SUSD6: variants seen among roughly 807,000 people sequenced by gnomAD.
SUSD6 encodes the protein sushi domain-containing protein 6.
Under a neutral mutation model 28.4 loss-of-function variants are expected in SUSD6, and 16 were observed. That is an observed-to-expected ratio of 0.56 (90% confidence interval 0.38 to 0.86). SUSD6 has a LOEUF of 0.86. Among genes scored for constraint, SUSD6 ranks in the 40% least tolerant of loss-of-function variants. The pLI, the probability that SUSD6 is intolerant of heterozygous loss-of-function variation, is 0.00. For synonymous variants in SUSD6, 147 were observed against 159.6 expected (o/e 0.92, Z 0.59); for missense variants, 341 against 384.2 (o/e 0.89, Z 0.94).
intron 1 of SUSD6, among the ~76,000 whole-genome samples, chr14:69,619,713 A>ATGAG (rs1885009495): frequency 6.6e-6 from 1 of 151,980 alleles, no homozygotes; most frequent in South Asian, 2.1e-4. Context: ...CAAGACTGCA[A>ATGAG]TGAGCTATGA....
chr14:69,630,616 C>A (rs767942008), intron 1 of SUSD6, among the ~76,000 whole-genome samples: 10 of 151,814 alleles, frequency 6.6e-5, no homozygotes, highest in Non-Finnish European at 1.3e-4. Context: ...ATTCAATTTC[C>A]AAACAAGTGC....
At chr14:69,643,058 A>C (rs1428586687) in intron 1 of SUSD6, among the ~76,000 whole-genome samples, 1 of 152,124 alleles carries the variant, frequency 6.6e-6, no homozygotes, top group Non-Finnish European at 1.5e-5. Context: ...GGAAACTCTC[A>C]AGGGAGTTAA....
intron 1 of SUSD6, chr14:69,617,771 C>T (rs764231706): frequency 6.6e-6 from 1 of 152,136 alleles, no homozygotes; most frequent in Non-Finnish European, 1.5e-5. Context: ...AATTCCATGC[C>T]AGGGTTCTGT....
At position 69,714,013 on chromosome 14, in the gene SUSD6, G is replaced by T. The variant is rs1466076475; in HGVS notation, c.*3034G>T. The T allele has an allele frequency of 6.6e-6, 1 of 151,998 alleles. No individual in the cohort carries two copies. Among genetic ancestry groups the T allele is most frequent in the African/African-American group, 2.4e-5 (1 of 41,366 alleles). The allele number at this position is 151,998 out of a possible 1,614,324, so 9.4% of individuals were successfully genotyped here. A position where few individuals can be genotyped will look rare whatever the true frequency, so the allele number is the denominator to read the frequency against. ...GTAGGCTCTATCTTTTGCCATTTCTGTATTTTATGTGCTGTGTTCCCGTTT... is the reference window on the plus strand; with the variant it reads ...GTAGGCTCTATCTTTTGCCATTTCTTTATTTTATGTGCTGTGTTCCCGTTT... On this transcript the variant is annotated 3_prime_UTR_variant, in exon 6 of 6. Coordinates refer to ENST00000342745, the MANE Select transcript of SUSD6 (RefSeq NM_014734.4).
At chr14:69,681,707 T>A (rs2139631031) in intron 2 of SUSD6, among the ~76,000 whole-genome samples, 1 of 152,280 alleles carries the variant, frequency 6.6e-6, no homozygotes, top group African/African-American at 2.4e-5. Flanking sequence ...AGTAAGATAG[T>A]AAAATGGGGG....
chr14:69,696,356 G>C (rs1886225694), intron 2 of SUSD6, among the ~76,000 whole-genome samples: 1 of 152,102 alleles, frequency 6.6e-6, no homozygotes, highest in African/African-American at 2.4e-5. Context: ...TAAACTATCT[G>C]TTTGCAATAA....
At chr14:69,706,735 A>G (rs906380799) in intron 4 of SUSD6, among the ~76,000 whole-genome samples, 6 of 152,008 alleles carry the variant, frequency 3.9e-5, no homozygotes, top group Non-Finnish European at 8.8e-5. Flanking sequence ...GCTCCCATCA[A>G]ACTTTCCCTT....
intron 1 of SUSD6, among the ~76,000 whole-genome samples, chr14:69,613,628 C>T (rs924039167): frequency 6.6e-6 from 1 of 152,216 alleles, no homozygotes; most frequent in African/African-American, 2.4e-5. Flanking sequence ...GACTCACAGC[C>T]TTTAAGTCCA....
chr14:69,678,157 G>A (rs1885941979), intron 2 of SUSD6, among the ~76,000 whole-genome samples: 1 of 151,760 alleles, frequency 6.6e-6, no homozygotes, highest in Admixed American at 6.6e-5. Context: ...GGATGGAACA[G>A]ATCCAGGGAC....
intron 2 of SUSD6, among the ~76,000 whole-genome samples, chr14:69,680,082 A>G (rs1038392589): frequency 3.3e-5 from 5 of 152,198 alleles, no homozygotes; most frequent in Non-Finnish European, 5.9e-5. Flanking sequence ...AGAGTTCAGC[A>G]GTCTCTCCTT....
chr14:69,699,932 A>G (rs1440236705), intron 2 of SUSD6, among the ~76,000 whole-genome samples: 3 of 152,210 alleles, frequency 2.0e-5, no homozygotes, highest in African/African-American at 7.2e-5. Flanking sequence ...TGGTTGGACC[A>G]TGTGTGCCAT....
intron 2 of SUSD6, among the ~76,000 whole-genome samples, chr14:69,665,937 T>C (rs1208861520): frequency 6.6e-6 from 1 of 152,240 alleles, no homozygotes; most frequent in Non-Finnish European, 1.5e-5. Context: ...TCAAATAAGA[T>C]AGTATATGTA....
At position 69,712,432 on chromosome 14, in the gene SUSD6, A is replaced by T. The variant is rs1042662512; in HGVS notation, c.*1453A>T. 6.6e-6 allele frequency: 1 copy of T among 152,284 alleles called. No individual in the cohort carries two copies. The highest frequency in any genetic ancestry group is 2.4e-5 in the African/African-American group (1 of 41,456). 9.4% of individuals were successfully genotyped at this position (152,284 alleles called of 1,614,324 possible). A position where few individuals can be genotyped will look rare whatever the true frequency, so the allele number is the denominator to read the frequency against. On this transcript the variant is annotated 3_prime_UTR_variant, in exon 6 of 6. Transcript: ENST00000342745. ...ACTCTGCCAACTGCTGTCATCTTAG[A>T]AGATAGATGCAGCAGTAAGGAATGT...
intron 1 of SUSD6, among the ~76,000 whole-genome samples, chr14:69,629,314 A>G (rs1401944081): frequency 6.6e-6 from 1 of 152,108 alleles, no homozygotes; most frequent in East Asian, 1.9e-4. Context: ...AGGACCAGAT[A>G]ACCTCTGTAT....
chr14:69,628,487 T>C (rs1236759010), intron 1 of SUSD6, among the ~76,000 whole-genome samples: 1 of 152,052 alleles, frequency 6.6e-6, no homozygotes, highest in Non-Finnish European at 1.5e-5. Flanking sequence ...CTAGAAGGAG[T>C]GTCTATATCA....
chr14:69,695,720 A>G (rs989507838), intron 2 of SUSD6, among the ~76,000 whole-genome samples: 13 of 152,304 alleles, frequency 8.5e-5, no homozygotes, highest in African/African-American at 2.6e-4. Flanking sequence ...GAAATTGAGC[A>G]AGTATCTCAA....
chr14:69,658,861 A>T, intron 2 of SUSD6, 148 bp downstream of exon 2: 1 of 1,043,312 alleles, frequency 9.6e-7, no homozygotes, highest in Non-Finnish European at 1.4e-6. Context: ...TATAGCAGGG[A>T]GCCAGTCCTT....
chr14:69,676,407 T>A (rs945312), intron 2 of SUSD6, among the ~76,000 whole-genome samples: 2 of 151,122 alleles, frequency 1.3e-5, no homozygotes, highest in African/African-American at 4.9e-5. Context: ...TTGAGACAGG[T>A]TCTTGCTCTG....
intron 1 of SUSD6, among the ~76,000 whole-genome samples, chr14:69,642,652 G>A (rs536013799): frequency 2.5e-4 from 31 of 123,322 alleles, no homozygotes; most frequent in African/African-American, 8.1e-4. Context: ...CCCGCCCCCC[G>A]CCCCCCTGCT....
Sources: allele counts gnomAD v4.1 joint callset (sites outside exome capture counted in the v4.1 genomes callset), GRCh38; gene constraint gnomAD v4.1.1; transcripts MANE v1.5; gene names NCBI Gene and HGNC (gene_info 2026-07-23, HGNC 2026-07-21).